Variants in ARSD observed in about 807,000 individuals in gnomAD.
The protein encoded by ARSD is testis tissue sperm-binding protein Li 39a.
A neutral mutation model predicts 32.6 loss-of-function variants in ARSD; 21 were observed. The observed-to-expected ratio is 0.64, with a 90% CI of 0.46 to 0.93. The LOEUF (loss-of-function observed/expected upper bound fraction) is 0.93, where lower values mean the gene tolerates loss of function less well. ARSD is among the 40% of genes least tolerant of loss of function. The probability of loss-of-function intolerance (pLI) is 0.00; values close to 1 mark genes in which losing one functional copy is unlikely to be tolerated. For missense variants in ARSD, 454 were observed against 520.9 expected (o/e 0.87, Z 1.25); for synonymous variants, 224 against 237.4 (o/e 0.94, Z 0.52).
chrX:2,927,116 C>T (rs2089090244), intron 1 of ARSD, among the ~76,000 whole-genome samples: 1 of 110,521 alleles, frequency 9.0e-6, no homozygotes, highest in Non-Finnish European at 1.9e-5. Flanking sequence ...CGGGGCGTGT[C>T]TTGGAGGGTG....
At position 2,907,566 on chromosome X, in the gene ARSD, T is replaced by C. The variant is rs1569085082; in HGVS notation, c.1487A>G (p.Tyr496Cys). The C allele has an allele frequency of 8.7e-7, 1 of 1,147,989 alleles. No individual in the cohort carries two copies. Among genetic ancestry groups the C allele is most frequent in the Non-Finnish European group, 1.2e-6 (1 of 863,166 alleles). The allele number at this position is 1,147,989 out of a possible 1,213,427, so 94.6% of individuals were successfully genotyped here. Residue 496 changes from tyrosine to cysteine, a missense_variant, in exon 10 of 10, where the codon TAC (tyrosine) becomes TGC (cysteine). By Grantham distance (194) the Tyr-to-Cys change is radical. Transcript: ENST00000381154. ...QFHPEGAGAC[Y>C]GRGVCPCSGE... is the part of the protein sequence containing the mutation. ...GGAGCATGGGCAGACGCCTCGGCCGTAGCAGGCCCCCGCTCCCTCGGGGTG... is the reference window on the plus strand; with the variant it reads ...GGAGCATGGGCAGACGCCTCGGCCGCAGCAGGCCCCCGCTCCCTCGGGGTG...
chrX:2,928,112 A>T (rs983112528), intron 1 of ARSD, among the ~76,000 whole-genome samples: 1 of 110,281 alleles, frequency 9.1e-6, no homozygotes, highest in African/African-American at 3.3e-5. Flanking sequence ...ACGACCCTCT[A>T]CCGGTGGCAC....
intron 2 of ARSD, among the ~76,000 whole-genome samples, chrX:2,922,842 C>CAA (rs60380048): frequency 5.3e-4 from 23 of 43,713 alleles, no homozygotes; most frequent in Non-Finnish European, 6.7e-4. Context: ...GACCGTGTCT[C>CAA]AAAAAAAAAA....
At chrX:2,916,221 G>A (rs1264807483) in intron 5 of ARSD, among the ~76,000 whole-genome samples, 1 of 109,520 alleles carries the variant, frequency 9.1e-6, no homozygotes, top group East Asian at 2.8e-4. Flanking sequence ...TGGGCACAGT[G>A]GCTCAAGCCT....
intron 2 of ARSD, among the ~76,000 whole-genome samples, chrX:2,924,234 A>G (rs914015933): frequency 6.2e-5 from 7 of 113,033 alleles, no homozygotes; most frequent in Non-Finnish European, 5.6e-5. Flanking sequence ...GGGTTTTGCC[A>G]TGTTGCCCAA....
Position 2,915,542 on chromosome X carries a change from G to GTACCTTT in ARSD, c.1000+13_1000+14insAAAGGTA. The GTACCTTT allele has an allele frequency of 3.3e-6, 4 of 1,210,496 alleles. No homozygotes were observed. The highest frequency in any genetic ancestry group is 1.7e-5 in the African/African-American group (1 of 57,749). On this transcript the variant is annotated intron_variant, in intron 6 of 9. Transcript: ENST00000381154. ...GCCGAGGGTGGAGTGAGGCTCCATG[G>GTACCTTT]TACCTTGACTTACCTATGAGCCAGT... is the stretch of plus-strand genomic sequence containing the variant.
In ARSD at chrX:2,925,668, C is replaced by T. The variant is rs1386167342; in HGVS notation, c.142G>A (p.Ala48Thr). Residue 48 changes from alanine (A) to threonine (T), a missense_variant, in exon 2 of 10, where the codon GCG (alanine) becomes ACG (threonine). Ala to Thr is a moderately conservative substitution (Grantham distance 58). Around this residue, in one of 3 missense-constraint regions of ARSD, gnomAD observed 271 missense variants for 301.0 expected, o/e 0.90. Coordinates refer to ENST00000381154, the MANE Select transcript of ARSD (RefSeq NM_001669.4). ...AFKPNILLIM[A>T]DDLGTGDLGC... ...AGATCCCCAGTGCCTAGATCATCCG[C>T]CATGATCAGTAGGATATTTGGTTTA... The T allele has an allele frequency of 9.1e-6, 11 of 1,207,832 alleles. No individual in the cohort carries two copies. The highest frequency in any genetic ancestry group is 1.2e-5 in the Non-Finnish European group (11 of 893,853).
At position 2,921,437 on chromosome X, in the gene ARSD, G is replaced by A. The variant is rs142725601; in HGVS notation, c.316+466C>T. Among the ~76,000 whole-genome samples the A allele has an allele frequency of 9.2e-4, 102 of 110,955 alleles. No individual in the cohort carries two copies. In the East Asian group the frequency reaches 0.01, roughly 11 times the overall value. ...TATCTAGCTATCAATCATCTATCAC[G>A]TCATGATCAATCATCTATCATTATG... On this transcript the variant is annotated intron_variant, in intron 3 of 9. Transcript: ENST00000381154.
chrX:2,913,954 C>G (rs1444992229), intron 6 of ARSD: 4 of 294,539 alleles, frequency 1.4e-5, no homozygotes, highest in African/African-American at 1.2e-4. Context: ...TGGTCCTTCT[C>G]CTGCCACAAG....
chrX:2,907,157 T>A lies in ARSD; in HGVS notation c.*114A>T. 1 of 701,609 alleles carries A rather than the reference T, an allele frequency of 1.4e-6. No homozygotes were observed. Among genetic ancestry groups the A allele is most frequent in the Non-Finnish European group, 2.1e-6 (1 of 471,769 alleles). 57.8% of individuals were successfully genotyped at this position (701,609 alleles called of 1,213,427 possible). ...AAAGAAAGAAAGTGGGGACCCACTCTCAGTCCAGGGCATGTTCCTTGCAAA... is the reference window on the plus strand; with the variant it reads ...AAAGAAAGAAAGTGGGGACCCACTCACAGTCCAGGGCATGTTCCTTGCAAA... On this transcript the variant is annotated 3_prime_UTR_variant, in exon 10 of 10. Transcript: ENST00000381154.
At chrX:2,915,306 C>T (rs1364974346) in intron 6 of ARSD, among the ~76,000 whole-genome samples, 5 of 111,354 alleles carry the variant, frequency 4.5e-5, no homozygotes, top group Non-Finnish European at 7.5e-5. Context: ...AGGTGTGCAC[C>T]ACCACACCGG....
At chrX:2,921,879 C>T in intron 3 of ARSD, 24 bp downstream of exon 3, 1 of 1,202,754 alleles carries the variant, frequency 8.3e-7, no homozygotes, top group Non-Finnish European at 1.1e-6. Context: ...GTACCCATTT[C>T]TCCATCATCT....
chrX:2,914,015 T>G, intron 6 of ARSD: 2 of 506,869 alleles, frequency 3.9e-6, no homozygotes, highest in Non-Finnish European at 4.9e-6. Flanking sequence ...CCCCGAGGTC[T>G]CCCCAGAAGC....
chrX:2,907,548 G>C lies in ARSD; in HGVS notation c.1505C>G (p.Pro502Arg). Residue 502 changes from proline to arginine, a missense_variant, in exon 10 of 10, where the codon CCA becomes CGA. By Grantham distance (103) the Pro-to-Arg change is moderately radical (BLOSUM62 -2). Transcript: ENST00000381154. ...AGACYGRGVCPCSGEGVTHHR... is the reference protein window; with the variant it reads ...AGACYGRGVCRCSGEGVTHHR... ...ATGGGTCACGCCCTCCCCGGAGCAT[G>C]GGCAGACGCCTCGGCCGTAGCAGGC... The C allele has an allele frequency of 8.6e-7, 1 of 1,168,449 alleles. No individual in the cohort carries two copies. Among genetic ancestry groups the C allele is most frequent in the Non-Finnish European group, 1.1e-6 (1 of 872,626 alleles).
At position 2,913,741 on chromosome X, in the gene ARSD, A is replaced by G. The variant is rs745362473; in HGVS notation, c.1000+1815T>C. Reference sequence around the variant, plus strand: ...TGGCTGTGTAGAAGGTTGACAATATAGTTTGGATGTGTGTCCCCGCCCAAA... The same window carrying G: ...TGGCTGTGTAGAAGGTTGACAATATGGTTTGGATGTGTGTCCCCGCCCAAA... On this transcript the variant is annotated intron_variant, in intron 6 of 9. Transcript: ENST00000381154. 3.3e-3 allele frequency: 3,049 copies of G among 936,224 alleles called. 4 individuals are homozygous for G. The highest frequency in any genetic ancestry group is 4.0e-3 in the Non-Finnish European group (2,908 of 735,891). 77.2% of individuals were successfully genotyped at this position (936,224 alleles called of 1,213,427 possible).
At position 2,905,222 on chromosome X, in the gene ARSD, C is replaced by A; in HGVS notation, c.*2049G>T. On this transcript the variant is annotated 3_prime_UTR_variant, in exon 10 of 10. Transcript: ENST00000381154. ...GGTCTGAAGGTGGCTCCCTGCCTCC[C>A]ACTGATGTCCTTAGAATCCCATCCT... The A allele has an allele frequency of 7.6e-6, 2 of 262,249 alleles. No homozygotes were observed. The highest frequency in any genetic ancestry group is 3.7e-5 in the South Asian group (1 of 27,259). 21.6% of individuals were successfully genotyped at this position (262,249 alleles called of 1,213,427 possible).
At chrX:2,912,107 C>G (rs766118131) in intron 6 of ARSD, among the ~76,000 whole-genome samples, 1 of 112,022 alleles carries the variant, frequency 8.9e-6, no homozygotes, top group East Asian at 2.8e-4. Flanking sequence ...ACCATGCACT[C>G]CAGCCTGGGC....
rs1177828695 is a variant in ARSD, at chrX:2,908,363, C to A, written c.1420+358G>T. Reference sequence around the variant, plus strand: ...CCTACATATCTATATATTTATCCATCCATCATGTATCTTAAATATCTATCC... The same window carrying A: ...CCTACATATCTATATATTTATCCATACATCATGTATCTTAAATATCTATCC... On this transcript the variant is annotated intron_variant, in intron 9 of 9. Transcript: ENST00000381154. Among the ~76,000 whole-genome samples, 5 of 110,697 alleles carry A rather than the reference C, an allele frequency of 4.5e-5. No homozygotes were observed. In the Admixed American group the frequency reaches 4.8e-4, roughly 11 times the overall value.
rs1227706331 is a variant in ARSD at position 2,908,793 on chromosome X, G to A, written c.1348C>T (p.Arg450Cys). Residue 450 changes from arginine (R) to cysteine (C), a missense_variant, in exon 9 of 10, where the codon CGC becomes TGC. Physicochemically the swap from Arg to Cys is radical, Grantham distance 180. Transcript: ENST00000381154. Reference protein sequence around the residue: ...LVPLLQGAEARSAHEFLFHYC... With the variant: ...LVPLLQGAEACSAHEFLFHYC... ...TGAAACAGGAACTCATGTGCCGAGC[G>A]TGCCTCAGCTCCCTGCAGCAAGGGT... The A allele has an allele frequency of 1.5e-5, 18 of 1,208,248 alleles. No individual in the cohort carries two copies. Among genetic ancestry groups the A allele is most frequent in the African/African-American group, 3.5e-5 (2 of 56,888 alleles).
Sources: allele counts gnomAD v4.1 joint callset (sites outside exome capture counted in the v4.1 genomes callset), GRCh38; gene constraint gnomAD v4.1.1; regional missense constraint gnomAD v4.1.1; transcripts MANE v1.5; gene names NCBI Gene and HGNC (gene_info 2026-07-23, HGNC 2026-07-21).